Variants in PTPRD observed in about 807,000 individuals in gnomAD.
The protein encoded by PTPRD is protein tyrosine phosphatase receptor type D, also known as receptor-type tyrosine-protein phosphatase delta.
A neutral mutation model predicts 214.5 loss-of-function variants in PTPRD; 34 were observed. That is an observed-to-expected ratio of 0.16 (90% confidence interval 0.12 to 0.21). The LOEUF (loss-of-function observed/expected upper bound fraction) is 0.21. Ranked by LOEUF, PTPRD falls within the 10% of genes least tolerant of loss-of-function variation. The pLI is 1.00. For missense variants in PTPRD, 2,545 were observed against 2,398.7 expected, an observed-to-expected ratio of 1.06 and a Z score of -1.27; for synonymous variants, 1,128 against 845.7, an observed-to-expected ratio of 1.33 and a Z score of -5.79.
intron 2 of PTPRD, among the ~76,000 whole-genome samples, chr9:10,464,683 T>C (rs921859258): frequency 4.0e-5 from 6 of 151,874 alleles, no homozygotes; most frequent in African/African-American, 1.2e-4. Flanking sequence ...TCCAATCTTA[T>C]AAAATAAAAA....
chr9:9,178,538 C>T (rs1268564152), intron 10 of PTPRD, among the ~76,000 whole-genome samples: 1 of 152,000 alleles, frequency 6.6e-6, no homozygotes, highest in Admixed American at 6.6e-5. Flanking sequence ...GGCCTGGGGT[C>T]TTTACAGCCT....
chr9:9,127,296 G>A (rs2099835519), intron 10 of PTPRD, among the ~76,000 whole-genome samples: 1 of 152,196 alleles, frequency 6.6e-6, no homozygotes, highest in Non-Finnish European at 1.5e-5. Context: ...TCTCATCAAT[G>A]TTATAATGAA....
chr9:9,046,842 T>C (rs563904579), intron 10 of PTPRD, among the ~76,000 whole-genome samples: 35 of 152,036 alleles, frequency 2.3e-4, no homozygotes, highest in Non-Finnish European at 1.0e-4. Context: ...AAAGCCTTTC[T>C]TCTAAGATCT....
Position 9,760,569 on chromosome 9 carries a change from T to C in PTPRD, c.-326+6241A>G, listed in dbSNP as rs140358441. On this transcript the variant is annotated intron_variant, in intron 6 of 45. Transcript: ENST00000381196. ...GTCTGTCTGGACTTTGAGAGATCTCTTCTTCCCCATCATCTTTACTCAGCT... is the reference window on the plus strand; with the variant it reads ...GTCTGTCTGGACTTTGAGAGATCTCCTCTTCCCCATCATCTTTACTCAGCT... Among the ~76,000 whole-genome samples the C allele has an allele frequency of 4.8e-3, 714 of 148,756 alleles. 6 individuals are homozygous for C. Among genetic ancestry groups the C allele is most frequent in the Middle Eastern group, 0.045 (13 of 286 alleles).
At chr9:8,655,302 G>T (rs977927904) in intron 12 of PTPRD, among the ~76,000 whole-genome samples, 2 of 152,176 alleles carry the variant, frequency 1.3e-5, no homozygotes, top group African/African-American at 2.4e-5. Context: ...TTGGGGAAAT[G>T]TGTTTTATAA....
chr9:10,437,819 C>T (rs966375704), intron 2 of PTPRD, among the ~76,000 whole-genome samples: 2 of 150,390 alleles, frequency 1.3e-5, no homozygotes, highest in African/African-American at 2.5e-5. Context: ...TGATAAAATG[C>T]CTTTCACTCA....
At chr9:10,136,540 G>C (rs2098945273) in intron 3 of PTPRD, among the ~76,000 whole-genome samples, 1 of 152,000 alleles carries the variant, frequency 6.6e-6, no homozygotes, top group Admixed American at 6.6e-5. Flanking sequence ...AAACTTTTCA[G>C]ACCAAAGTAT....
chr9:10,127,987 CT>C (rs1454747662), intron 3 of PTPRD, among the ~76,000 whole-genome samples: 3 of 152,196 alleles, frequency 2.0e-5, no homozygotes, highest in Admixed American at 6.6e-5. Context: ...TATTATGCTT[CT>C]GTTTGACATC....
intron 9 of PTPRD, among the ~76,000 whole-genome samples, chr9:9,317,789 T>C (rs1964093112): frequency 6.6e-6 from 1 of 152,136 alleles, no homozygotes. Flanking sequence ...CTGATCAAAA[T>C]TCATGATATT....
intron 3 of PTPRD, among the ~76,000 whole-genome samples, chr9:10,300,325 C>T (rs751897714): frequency 1.3e-5 from 2 of 152,088 alleles, no homozygotes; most frequent in Non-Finnish European, 2.9e-5. Flanking sequence ...AAGCAGAAAA[C>T]TGGGCAGCCA....
Position 9,904,648 on chromosome 9 carries a change from A to T in PTPRD, c.-368+33859T>A, listed in dbSNP as rs79969954. Among the ~76,000 whole-genome samples, 986 of 152,190 alleles carry T rather than the reference A, an allele frequency of 6.5e-3. 14 individuals are homozygous for T. The highest frequency in any genetic ancestry group is 0.023 in the African/African-American group (937 of 41,540). ...AAGGATTAAATGCAATAATGCATTT[A>T]AAAAAATGCTCCAAAAAAGGTGAAC... is the stretch of plus-strand genomic sequence containing the variant. On this transcript the variant is annotated intron_variant, in intron 5 of 45. Transcript: ENST00000381196.
At chr9:9,334,679 G>C (rs563203852) in intron 9 of PTPRD, among the ~76,000 whole-genome samples, 1 of 152,032 alleles carries the variant, frequency 6.6e-6, no homozygotes, top group African/African-American at 2.4e-5. Flanking sequence ...AGATATCAGA[G>C]ATTATTCAAA....
chr9:10,172,576 C>T (rs1479142903), intron 3 of PTPRD, among the ~76,000 whole-genome samples: 4 of 152,168 alleles, frequency 2.6e-5, no homozygotes, highest in Non-Finnish European at 5.9e-5. Flanking sequence ...ATTCTAGCTC[C>T]TTCACATTTG....
intron 2 of PTPRD, among the ~76,000 whole-genome samples, chr9:10,504,890 G>A (rs1189613450): frequency 6.6e-6 from 1 of 152,128 alleles, no homozygotes; most frequent in Non-Finnish European, 1.5e-5. Flanking sequence ...GCACCTGTCT[G>A]TTAATGTTAA....
chr9:9,350,552 G>T (rs1464344729), intron 9 of PTPRD, among the ~76,000 whole-genome samples: 1 of 152,066 alleles, frequency 6.6e-6, no homozygotes, highest in East Asian at 1.9e-4. Context: ...GCCAGATAAG[G>T]TGTCATGGTC....
intron 9 of PTPRD, among the ~76,000 whole-genome samples, chr9:9,333,748 T>C (rs145419757): frequency 6.6e-5 from 10 of 151,812 alleles, no homozygotes; most frequent in African/African-American, 2.4e-4. Flanking sequence ...AATACATTCA[T>C]ATGAGGTCAA....
intron 3 of PTPRD, among the ~76,000 whole-genome samples, chr9:10,254,258 A>G (rs1433372547): frequency 6.6e-6 from 1 of 152,264 alleles, no homozygotes; most frequent in Non-Finnish European, 1.5e-5. Flanking sequence ...AACTGAATGT[A>G]TAAGTTATTT....
chr9:10,459,202 T>C (rs1047417729), intron 2 of PTPRD, among the ~76,000 whole-genome samples: 7 of 152,166 alleles, frequency 4.6e-5, no homozygotes, highest in African/African-American at 1.7e-4. Flanking sequence ...CCTAGCTTCA[T>C]CCATGTCCCT....
intron 2 of PTPRD, among the ~76,000 whole-genome samples, chr9:10,538,483 A>C (rs922191846): frequency 6.6e-6 from 1 of 152,076 alleles, no homozygotes; most frequent in African/African-American, 2.4e-5. Flanking sequence ...CCCTCTCTCT[A>C]TATATACACA....
Sources: gnomAD v4.1 joint callset for allele counts (sites outside exome capture counted in the v4.1 genomes callset) on GRCh38, gnomAD v4.1.1 for gene constraint, MANE v1.5 for transcripts, NCBI Gene and HGNC (gene_info 2026-07-23, HGNC 2026-07-21) for gene names.